PIK3C2G: variants seen among roughly 807,000 people sequenced by gnomAD.
The protein encoded by PIK3C2G is phosphatidylinositol-4-phosphate 3-kinase catalytic subunit type 2 gamma.
Under a neutral mutation model 181.1 loss-of-function variants are expected in PIK3C2G, and 168 were observed. That is an observed-to-expected ratio of 0.93 (90% CI 0.82 to 1.05). The LOEUF (loss-of-function observed/expected upper bound fraction) is 1.05, where lower values mean the gene tolerates loss of function less well. Ranked by LOEUF, PIK3C2G falls within the 50% of genes least tolerant of loss-of-function variation. The pLI, the probability that PIK3C2G is intolerant of heterozygous loss-of-function variation, is 0.00. For synonymous variants in PIK3C2G, 573 were observed against 592.2 expected, an observed-to-expected ratio of 0.97 and a Z score of 0.47; for missense variants, 1,869 against 1,732.8, an observed-to-expected ratio of 1.08 and a Z score of -1.40.
chr12:18,608,287 G>A (rs1948156857), intron 30 of PIK3C2G, among the ~76,000 whole-genome samples: 1 of 151,972 alleles, frequency 6.6e-6, no homozygotes, highest in Admixed American at 6.6e-5. Context: ...ATTCACAATA[G>A]CAAAGACTTA....
rs1379369480 is a variant in PIK3C2G at position 18,261,528 on chromosome 12, C to T, written c.-128C>T. ...TTAGCTTGTGTGAGCGTATTTGACT[C>T]TTGAAAAGAAATGAGATCGTGTTTC... On this transcript the variant is annotated 5_prime_UTR_variant, in exon 1 of 33. Coordinates refer to ENST00000538779, the MANE Select transcript of PIK3C2G (RefSeq NM_001288772.2). The T allele has an allele frequency of 6.6e-6, 1 of 152,066 alleles. No individual in the cohort carries two copies. The highest frequency in any genetic ancestry group is 1.5e-5 in the Non-Finnish European group (1 of 68,010). The allele number at this position is 152,066 out of a possible 1,614,324, so 9.4% of individuals were successfully genotyped here. A position where few individuals can be genotyped will look rare whatever the true frequency, so the allele number is the denominator to read the frequency against.
chr12:18,604,379 C>T (rs758066046), intron 30 of PIK3C2G, among the ~76,000 whole-genome samples: 1 of 152,098 alleles, frequency 6.6e-6, no homozygotes, highest in South Asian at 2.1e-4. Context: ...AACACTGGGG[C>T]TCCCAAAGTT....
At chr12:18,723,577 A>G in the PIK3C2G span, 3 of 1,485,626 alleles carry the variant, frequency 2.0e-6, no homozygotes, top group South Asian at 2.3e-5. Context: ...TCACATTGTG[A>G]GTATAAAAAA....
intron 29 of PIK3C2G, among the ~76,000 whole-genome samples, chr12:18,593,103 T>A (rs1174439946): frequency 6.6e-6 from 1 of 151,956 alleles, no homozygotes; most frequent in Non-Finnish European, 1.5e-5. Context: ...CTTCCTTCTA[T>A]GAGTGTGTCC....
chr12:18,677,331 T>C, the PIK3C2G span, among the ~76,000 whole-genome samples: 8 of 152,112 alleles, frequency 5.3e-5, no homozygotes, highest in East Asian at 9.7e-4. Flanking sequence ...ATAGGCTGAA[T>C]CAGCACCGTG....
At chr12:18,357,491 T>G (rs1188224763) in intron 11 of PIK3C2G, among the ~76,000 whole-genome samples, 2 of 152,198 alleles carry the variant, frequency 1.3e-5, no homozygotes, top group Non-Finnish European at 2.9e-5. Context: ...CTCATTCAAT[T>G]TAAAATTGCA....
At chr12:18,343,397 GAA>G in intron 10 of PIK3C2G, 37 bp downstream of exon 10, 1 of 1,118,942 alleles carries the variant, frequency 8.9e-7, no homozygotes, top group Non-Finnish European at 1.3e-6. Flanking sequence ...TTGAAATAAA[GAA>G]AAAAATAAGT....
At chr12:18,567,619 C>T (rs1013408955) in intron 29 of PIK3C2G, among the ~76,000 whole-genome samples, 2 of 151,476 alleles carry the variant, frequency 1.3e-5, no homozygotes, top group Non-Finnish European at 2.9e-5. Flanking sequence ...ATTCCCGATG[C>T]AATAATAAAG....
intron 27 of PIK3C2G, 122 bp from the exon 28 acceptor site, chr12:18,563,255 C>A: frequency 2.3e-6 from 2 of 860,638 alleles, no homozygotes; most frequent in South Asian, 3.7e-5. Context: ...CATCTCCTAG[C>A]TTTTATGATA....
chr12:18,486,162 T>C (rs1940008218), intron 18 of PIK3C2G, among the ~76,000 whole-genome samples: 1 of 152,126 alleles, frequency 6.6e-6, no homozygotes, highest in Non-Finnish European at 1.5e-5. Flanking sequence ...ACAAACTCTC[T>C]ACACATTGAG....
intron 15 of PIK3C2G, among the ~76,000 whole-genome samples, chr12:18,393,635 C>A (rs1031757555): frequency 1.3e-5 from 2 of 152,036 alleles, no homozygotes; most frequent in African/African-American, 2.4e-5. Flanking sequence ...AGTACTTCTA[C>A]TTCTACCATG....
the PIK3C2G span, among the ~76,000 whole-genome samples, chr12:18,706,669 A>G: frequency 6.6e-6 from 1 of 152,178 alleles, no homozygotes; most frequent in Non-Finnish European, 1.5e-5. Context: ...TTTCATATAT[A>G]CTTATCAGGG....
intron 2 of PIK3C2G, among the ~76,000 whole-genome samples, chr12:18,286,482 T>C (rs916110411): frequency 3.3e-5 from 5 of 152,088 alleles, no homozygotes; most frequent in East Asian, 1.9e-4. Context: ...TATCATTACA[T>C]AGAAGCCACA....
At position 18,648,063 on chromosome 12, in the gene PIK3C2G, ACTT is replaced by A. The variant is rs1565598826; in HGVS notation, c.*36_*38del. The A allele has an allele frequency of 1.4e-6, 2 of 1,400,248 alleles. No individual in the cohort carries two copies. The highest frequency in any genetic ancestry group is 2.2e-5 in the Admixed American group (1 of 46,120). 86.7% of individuals were successfully genotyped at this position (1,400,248 alleles called of 1,614,324 possible). A position where few individuals can be genotyped will look rare whatever the true frequency, so the allele number is the denominator to read the frequency against. On this transcript the variant is annotated 3_prime_UTR_variant, in exon 33 of 33. Coordinates refer to ENST00000538779, the MANE Select transcript of PIK3C2G (RefSeq NM_001288772.2). ...TGAACATATGCATTATTCATTAACT[ACTT>A]GTATTTTTTTCACTTCTGGGCCTCT... is the stretch of plus-strand genomic sequence containing the variant.
chr12:18,265,454 A>T lies in PIK3C2G; in HGVS notation c.-79+3877A>T, dbSNP rs542624549. 2.6e-5 allele frequency among the ~76,000 whole-genome samples: 4 copies of T among 152,298 alleles called. No homozygotes were observed. The South Asian group carries it at 8.3e-4, about 32-fold the overall frequency. On this transcript the variant is annotated intron_variant, in intron 1 of 32. Transcript: ENST00000538779. ...TTAGTTAATAAATTGAGCTGGTTATAAAATTCCAGAAGCCTCCATTAATTC... is the reference window on the plus strand; with the variant it reads ...TTAGTTAATAAATTGAGCTGGTTATTAAATTCCAGAAGCCTCCATTAATTC...
chr12:18,411,978 T>G (rs1317621156), intron 16 of PIK3C2G, among the ~76,000 whole-genome samples: 4 of 146,452 alleles, frequency 2.7e-5, no homozygotes, highest in Non-Finnish European at 5.9e-5. Context: ...AATAGAAGTG[T>G]TTTTTTTACT....
At chr12:18,277,060 G>A (rs1949015945) in intron 1 of PIK3C2G, among the ~76,000 whole-genome samples, 1 of 152,136 alleles carries the variant, frequency 6.6e-6, no homozygotes, top group African/African-American at 2.4e-5. Context: ...TAGTATCAGA[G>A]CTTATGTAAA....
chr12:18,670,136 A>G, the PIK3C2G span, among the ~76,000 whole-genome samples: 1 of 152,196 alleles, frequency 6.6e-6, no homozygotes, highest in East Asian at 1.9e-4. Flanking sequence ...TAAACATTCC[A>G]TTCACAACAG....
chr12:18,678,912 G>A, the PIK3C2G span, among the ~76,000 whole-genome samples: 1 of 152,004 alleles, frequency 6.6e-6, no homozygotes, highest in Admixed American at 6.6e-5. Flanking sequence ...TGTAAGAAAT[G>A]GTCAAACTGT....
Sources: allele counts gnomAD v4.1 joint callset (sites outside exome capture counted in the v4.1 genomes callset), GRCh38; gene constraint gnomAD v4.1.1; transcripts MANE v1.5; gene names NCBI Gene and HGNC (gene_info 2026-07-23, HGNC 2026-07-21).